Variants in ENTPD1 observed in about 807,000 individuals in gnomAD.
ENTPD1 encodes the protein ectonucleoside triphosphate diphosphohydrolase 1.
Under a neutral mutation model 57.0 loss-of-function variants are expected in ENTPD1, and 33 were observed. The observed-to-expected ratio is 0.58, with a 90% CI of 0.44 to 0.77. The LOEUF (loss-of-function observed/expected upper bound fraction) is 0.77. Ranked by LOEUF, ENTPD1 falls within the 30% of genes least tolerant of loss-of-function variation. The pLI is 0.00. For synonymous variants in ENTPD1, 202 were observed against 218.8 expected, an observed-to-expected ratio of 0.92 and a Z score of 0.68; for missense variants, 501 against 603.4, an observed-to-expected ratio of 0.83 and a Z score of 1.78.
chr10:95,796,328 C>T (rs1299703704), intron 1 of ENTPD1, among the ~76,000 whole-genome samples: 1 of 152,026 alleles, frequency 6.6e-6, no homozygotes, highest in East Asian at 1.9e-4. Context: ...GGTATTTCGT[C>T]CATCATTAGA....
chr10:95,700,640 A>T, the ENTPD1 span, among the ~76,000 whole-genome samples: 7 of 152,192 alleles, frequency 4.6e-5, no homozygotes, highest in Admixed American at 3.3e-4. Flanking sequence ...GTGACCTGTG[A>T]TCACAGCACT....
chr10:95,873,664 A>G lies in ENTPD1; in HGVS notation c.*7281A>G. On this transcript the variant is annotated 3_prime_UTR_variant, in exon 10 of 10. Transcript: ENST00000371205. ...AGGGATGAAACAGCTAATCATGTTC[A>G]ATAGTTACATTTAGATTGGTTTTTA... The G allele has an allele frequency of 1.0e-6, 1 of 985,442 alleles. No individual in the cohort carries two copies. Among genetic ancestry groups the G allele is most frequent in the Non-Finnish European group, 1.2e-6 (1 of 829,930 alleles). The allele number at this position is 985,442 out of a possible 1,614,324, so 61.0% of individuals were successfully genotyped here.
At chr10:95,781,731 T>C (rs1055426859) in intron 1 of ENTPD1, among the ~76,000 whole-genome samples, 1 of 152,224 alleles carries the variant, frequency 6.6e-6, no homozygotes, top group African/African-American at 2.4e-5. Context: ...AGTTCACGAC[T>C]GTGTTATATA....
chr10:95,697,679 C>G, the ENTPD1 span, among the ~76,000 whole-genome samples: 1 of 152,196 alleles, frequency 6.6e-6, no homozygotes, highest in African/African-American at 2.4e-5. Context: ...CCTGTGCTGC[C>G]TTGGGATGCT....
intron 1 of ENTPD1, among the ~76,000 whole-genome samples, chr10:95,802,084 C>G (rs115571561): frequency 0.037 from 5,671 of 152,144 alleles, 128 homozygotes; most frequent in Non-Finnish European, 0.049. Flanking sequence ...CCAAGGTGAT[C>G]GGGGTACAGC....
At chr10:95,764,209 T>A (rs565657182) in intron 1 of ENTPD1, among the ~76,000 whole-genome samples, 6 of 152,366 alleles carry the variant, frequency 3.9e-5, no homozygotes, top group Admixed American at 2.6e-4. Context: ...ATCTACTTTC[T>A]GTCCCCACAG....
At chr10:95,865,759 ATG>A (rs2098473178) in intron 9 of ENTPD1, among the ~76,000 whole-genome samples, 1 of 152,086 alleles carries the variant, frequency 6.6e-6, no homozygotes, top group African/African-American at 2.4e-5. Context: ...GTCATGATGT[ATG>A]TGTGTGTATA....
chr10:95,809,873 AGTGGC>A (rs2098295169), intron 1 of ENTPD1, among the ~76,000 whole-genome samples: 2 of 121,204 alleles, frequency 1.7e-5, no homozygotes, highest in African/African-American at 6.5e-5. Flanking sequence ...CAGATGGGGC[AGTGGC>A]CAGGCAGAGG....
At chr10:95,755,301 G>A, upstream of ENTPD1, 1 of 189,916 alleles carries the variant, frequency 5.3e-6, no homozygotes, top group Non-Finnish European at 1.1e-5. Context: ...GAAATGCTAA[G>A]GTTTGCAACA....
intron 1 of ENTPD1, among the ~76,000 whole-genome samples, chr10:95,783,150 G>A (rs1357726231): frequency 6.6e-6 from 1 of 152,138 alleles, no homozygotes; most frequent in Non-Finnish European, 1.5e-5. Context: ...GCATCTAAAT[G>A]TAGTTTTATG....
intron 1 of ENTPD1, among the ~76,000 whole-genome samples, chr10:95,725,493 A>G (rs1220075799): frequency 2.0e-5 from 3 of 151,992 alleles, no homozygotes; most frequent in African/African-American, 7.3e-5. Context: ...GTTGTTTTCT[A>G]GCAATTTGTC....
chr10:95,820,015 T>C (rs2098343617), intron 1 of ENTPD1, among the ~76,000 whole-genome samples: 1 of 152,190 alleles, frequency 6.6e-6, no homozygotes, highest in African/African-American at 2.4e-5. Flanking sequence ...CTGAAAGCAC[T>C]CTGGGGGTCT....
chr10:95,845,632 A>G (rs1303061832), intron 6 of ENTPD1, 36 bp downstream of exon 6: 1 of 1,614,096 alleles, frequency 6.2e-7, no homozygotes, highest in Non-Finnish European at 8.5e-7. Flanking sequence ...CCCCCTTCAC[A>G]TCTGCACCTC....
chr10:95,865,769 A>G (rs1382167898), intron 9 of ENTPD1, among the ~76,000 whole-genome samples: 2 of 152,016 alleles, frequency 1.3e-5, no homozygotes, highest in African/African-American at 4.8e-5. Context: ...ATGTGTGTGT[A>G]TATACTTTTT....
chr10:95,866,266 C>T lies in ENTPD1; in HGVS notation c.1416C>T (p.Leu472=). ...IPAEQPLSTP[L]SHSTYVFLMV... is the part of the protein sequence containing the mutation. Reference sequence around the variant, plus strand: ...CTGAGCAACCATTGTCCACACCTCTCTCCCACTCCACCTATGTCTTCCTCA... The same window carrying T: ...CTGAGCAACCATTGTCCACACCTCTTTCCCACTCCACCTATGTCTTCCTCA... The change falls in exon 10 of 10, where the codon CTC becomes CTT. Residue 472 remains leucine, a synonymous_variant. Transcript: ENST00000371205. 1 of 1,614,202 alleles carries T rather than the reference C, an allele frequency of 6.2e-7. No individual in the cohort carries two copies. The highest frequency in any genetic ancestry group is 8.5e-7 in the Non-Finnish European group (1 of 1,180,026).
chr10:95,716,236 C>T (rs1422161698), intron 1 of ENTPD1, among the ~76,000 whole-genome samples: 2 of 152,196 alleles, frequency 1.3e-5, no homozygotes, highest in African/African-American at 4.8e-5. Context: ...TCTTGAACTT[C>T]ATAACTTTAA....
At chr10:95,711,275 C>T (rs1310722429), upstream of ENTPD1, among the ~76,000 whole-genome samples, 1 of 152,176 alleles carries the variant, frequency 6.6e-6, no homozygotes, top group African/African-American at 2.4e-5. Context: ...CACATTTAGA[C>T]TGTTGAATCC....
chr10:95,814,147 G>A (rs1462680769), intron 1 of ENTPD1, among the ~76,000 whole-genome samples: 2 of 152,200 alleles, frequency 1.3e-5, no homozygotes, highest in Non-Finnish European at 2.9e-5. Context: ...TGTCTGCAGA[G>A]TCAGTGACAT....
chr10:95,868,139 C>T lies in ENTPD1; in HGVS notation c.*1756C>T, dbSNP rs1316562898. 13 of 984,670 alleles carry T rather than the reference C, an allele frequency of 1.3e-5. No homozygotes were observed. The East Asian group carries it at 1.2e-3, about 94-fold the overall frequency. 61.0% of individuals were successfully genotyped at this position (984,670 alleles called of 1,614,324 possible). A position where few individuals can be genotyped will look rare whatever the true frequency, so the allele number is the denominator to read the frequency against. ...TCTGAAGAAGGTAGGTATTACAATT[C>T]CCACTTCATAGAAACAGAAACTGAG... On this transcript the variant is annotated 3_prime_UTR_variant, in exon 10 of 10. Coordinates refer to ENST00000371205, the MANE Select transcript of ENTPD1 (RefSeq NM_001776.6).
Sources: gnomAD v4.1 joint callset for allele counts (sites outside exome capture counted in the v4.1 genomes callset) on GRCh38, gnomAD v4.1.1 for gene constraint, MANE v1.5 for transcripts, NCBI Gene and HGNC (gene_info 2026-07-23, HGNC 2026-07-21) for gene names.